TRIP11: variants seen among roughly 807,000 people sequenced by gnomAD.
The protein encoded by TRIP11 is thyroid hormone receptor interactor 11, also known as thyroid receptor-interacting protein 11.
Under a neutral mutation model 223.1 loss-of-function variants are expected in TRIP11, and 148 were observed. The ratio of observed to expected loss-of-function variants is 0.66; its 90% confidence interval spans 0.58 to 0.76. TRIP11 has a LOEUF of 0.76. TRIP11 is among the 30% of genes least tolerant of loss of function. The pLI is 0.00. For synonymous variants in TRIP11, 762 were observed against 772.6 expected (o/e 0.99, Z 0.23); for missense variants, 2,043 against 2,222.0 (o/e 0.92, Z 1.62).
At chr14:91,975,014 G>A (rs369460188) in intron 18 of TRIP11, among the ~76,000 whole-genome samples, 158 bp downstream of exon 18, 12 of 152,268 alleles carry the variant, frequency 7.9e-5, no homozygotes, top group Admixed American at 5.2e-4. Context: ...CATACATATT[G>A]AACAAATCTG....
In TRIP11 at chr14:92,039,727, G is replaced by A. The variant is rs376993504; in HGVS notation, c.-42C>T. 62 of 1,595,030 alleles carry A rather than the reference G, an allele frequency of 3.9e-5. No homozygotes were observed. The South Asian group carries it at 4.3e-4, about 11-fold the overall frequency. ...AACGACCCGGTCCGCTCGGAAAAAAGAAAACGTTTAGCGCCGCCGGGCGAT... is the reference window on the plus strand; with the variant it reads ...AACGACCCGGTCCGCTCGGAAAAAAAAAAACGTTTAGCGCCGCCGGGCGAT... On this transcript the variant is annotated 5_prime_UTR_variant, in exon 1 of 21. Coordinates refer to ENST00000267622, the MANE Select transcript of TRIP11 (RefSeq NM_004239.4).
At chr14:91,973,602 A>T (rs1595364461) in intron 19 of TRIP11, among the ~76,000 whole-genome samples, 1 of 152,352 alleles carries the variant, frequency 6.6e-6, no homozygotes, top group African/African-American at 2.4e-5. Flanking sequence ...ATCACAAATA[A>T]CATTGTCAGA....
At chr14:91,992,568 G>A (rs1216093244) in intron 15 of TRIP11, among the ~76,000 whole-genome samples, 1 of 152,056 alleles carries the variant, frequency 6.6e-6, no homozygotes, top group East Asian at 1.9e-4. Context: ...ACTAATGTCA[G>A]GTAAATGAAT....
At chr14:91,995,297 A>C in intron 14 of TRIP11, 55 bp downstream of exon 14, 1 of 1,608,412 alleles carries the variant, frequency 6.2e-7, no homozygotes, top group Non-Finnish European at 8.5e-7. Context: ...CAAATTAGGC[A>C]AAATTACCAA....
rs763388904 is a variant in TRIP11 at position 92,025,304 on chromosome 14, A to G, written c.312+6T>C. 2.5e-6 allele frequency: 4 copies of G among 1,604,168 alleles called. No individual in the cohort carries two copies. The South Asian group carries it at 3.3e-5, about 13-fold the overall frequency. ...GTACATATGAAGTAACTGTGATAAC[A>G]TTTACCTCTTTTTGTTGAAGTTGAT... On this transcript the variant is annotated splice_donor_region_variant and intron_variant, in intron 3 of 20. Transcript: ENST00000267622.
intron 6 of TRIP11, among the ~76,000 whole-genome samples, chr14:92,015,054 C>T (rs2057018894): frequency 6.6e-6 from 1 of 152,088 alleles, no homozygotes; most frequent in Non-Finnish European, 1.5e-5. Context: ...CAGGCGAGCA[C>T]CACCACGTCC....
Position 92,007,791 on chromosome 14 carries a change from G to C in TRIP11, c.1376C>G (p.Ala459Gly), listed in dbSNP as rs1595391068. The C allele has an allele frequency of 6.2e-7, 1 of 1,613,406 alleles. No homozygotes were observed. The highest frequency in any genetic ancestry group is 2.2e-5 in the East Asian group (1 of 44,794). The change falls in exon 10 of 21, where the codon GCT becomes GGT. Residue 459 changes from alanine (A) to glycine (G), a missense_variant. By Grantham distance (60) the Ala-to-Gly change is moderately conservative. Transcript: ENST00000267622. The part of the protein sequence containing the change: ...NNEYEVIKST[A>G]TRDISLDSEL... ...TGAATCCAAACTTATGTCTCTTGTAGCTGTACTTTTAATTACTTCATATTC... is the reference window on the plus strand; with the variant it reads ...TGAATCCAAACTTATGTCTCTTGTACCTGTACTTTTAATTACTTCATATTC...
intron 3 of TRIP11, among the ~76,000 whole-genome samples, chr14:92,023,615 G>A (rs924297071): frequency 1.3e-5 from 2 of 152,132 alleles, no homozygotes; most frequent in African/African-American, 2.4e-5. Flanking sequence ...CACTAAGTTA[G>A]AATCTCCTAG....
In TRIP11 at chr14:92,005,367, T is replaced by A. The variant is rs375135703; in HGVS notation, c.2609A>T (p.Glu870Val). 5.1e-5 allele frequency: 82 copies of A among 1,613,518 alleles called. No homozygotes were observed. The highest frequency in any genetic ancestry group is 6.4e-5 in the Non-Finnish European group (75 of 1,179,858). Residue 870 changes from glutamate (E) to valine (V), a missense_variant, in exon 11 of 21, where the codon GAA (glutamate) becomes GTA (valine). Glu to Val is a moderately radical substitution (Grantham distance 121). Transcript: ENST00000267622. ...TCGACTCTGCTCTTCCCTGAGTCGTTCCAATTCTTCTTGCAGATGATTATT... is the reference window on the plus strand; with the variant it reads ...TCGACTCTGCTCTTCCCTGAGTCGTACCAATTCTTCTTGCAGATGATTATT... ...EENNHLQEEL[E>V]RLREEQSRTA...
At chr14:91,973,047 A>T (rs2056419478) in intron 19 of TRIP11, among the ~76,000 whole-genome samples, 186 bp from the exon 20 acceptor site, 1 of 137,664 alleles carries the variant, frequency 7.3e-6, no homozygotes, top group Non-Finnish European at 1.5e-5. Flanking sequence ...TTTTTTTGAG[A>T]CGGTGTCTTG....
chr14:91,970,321 G>A (rs1043574846), intron 20 of TRIP11, among the ~76,000 whole-genome samples: 3 of 152,074 alleles, frequency 2.0e-5, no homozygotes, highest in Non-Finnish European at 4.4e-5. Context: ...GCTGAGGCTG[G>A]AGAATCACTT....
rs201417947 is a variant in TRIP11 at position 92,005,220 on chromosome 14, A to G, written c.2756T>C (p.Ile919Thr). The change falls in exon 11 of 21, where the codon ATT becomes ACT. Residue 919 changes from isoleucine (I) to threonine (T), a missense_variant. Ile to Thr is a moderately conservative substitution (Grantham distance 89, BLOSUM62 -1). Transcript: ENST00000267622. ...CATCTTACTCTGGTTTTGATCTTCA[A>G]TTATCTTTTGATGATGTTTAATTTC... is the stretch of plus-strand genomic sequence containing the variant. ...EEEIKHHQKIIEDQNQSKMQL... is the reference protein window; with the variant it reads ...EEEIKHHQKITEDQNQSKMQL... The G allele has an allele frequency of 8.9e-5, 144 of 1,614,154 alleles. No individual in the cohort carries two copies. The Middle Eastern group carries it at 1.2e-3, about 13-fold the overall frequency.
rs1353368517 is a variant in TRIP11, at chr14:92,004,009, T to C, written c.3967A>G (p.Thr1323Ala). The change falls in exon 11 of 21, where the codon ACT becomes GCT. Residue 1323 changes from threonine to alanine, a missense_variant. Coordinates refer to ENST00000267622, the MANE Select transcript of TRIP11 (RefSeq NM_004239.4). ...CTAAGACACTCTGCAGACTGGGGAG[T>C]AAGCAATGATGCAGAAGACAGCTGG... The part of the protein sequence containing the change: ...SPQLSSASLL[T>A]PQSAECLRAS... 1 of 1,613,888 alleles carries C rather than the reference T, an allele frequency of 6.2e-7. No homozygotes were observed. Among genetic ancestry groups the C allele is most frequent in the Non-Finnish European group, 8.5e-7 (1 of 1,180,004 alleles).
At chr14:92,031,146 A>G (rs1164688786) in intron 2 of TRIP11, among the ~76,000 whole-genome samples, 1 of 151,942 alleles carries the variant, frequency 6.6e-6, no homozygotes, top group African/African-American at 2.4e-5. Flanking sequence ...TATTTATTGG[A>G]GATGGAGTCT....
At chr14:92,031,093 T>TTTTA (rs891590397) in intron 2 of TRIP11, among the ~76,000 whole-genome samples, 1 of 151,496 alleles carries the variant, frequency 6.6e-6, no homozygotes, top group African/African-American at 2.4e-5. Flanking sequence ...CTACAAAAAA[T>TTTTA]TTTATTTATT....
rs1595361047 is a variant in TRIP11, at chr14:91,967,219, A to G, written c.*2454T>C. ...TGCAGTGGAGTGGTTGCTAACTGCA[A>G]CCTCCACTTCCCGGGGTCAAGCAAT... On this transcript the variant is annotated 3_prime_UTR_variant, in exon 21 of 21. Coordinates refer to ENST00000267622, the MANE Select transcript of TRIP11 (RefSeq NM_004239.4). The G allele has an allele frequency of 6.1e-6, 1 of 164,366 alleles. No individual in the cohort carries two copies. The highest frequency in any genetic ancestry group is 1.0e-4 in the East Asian group (1 of 9,762). The allele number at this position is 164,366 out of a possible 1,614,324, so 10.2% of individuals were successfully genotyped here.
intron 10 of TRIP11, 91 bp downstream of exon 10, chr14:92,007,549 A>G: frequency 7.1e-7 from 1 of 1,407,882 alleles, no homozygotes; most frequent in Non-Finnish European, 9.9e-7. Flanking sequence ...AATCTCTATG[A>G]ACTAAAATAT....
rs1202415367 is a variant in TRIP11, at chr14:92,014,136, G to A, written c.1186+79C>T. ...ATATGCCATTTCCACTAAGTATTCA[G>A]TTAGTGAAGCATCTGTCTCTAAAAA... is the stretch of plus-strand genomic sequence containing the variant. On this transcript the variant is annotated intron_variant, in intron 7 of 20. Coordinates refer to ENST00000267622, the MANE Select transcript of TRIP11 (RefSeq NM_004239.4). 2.3e-5 allele frequency: 35 copies of A among 1,552,738 alleles called. No individual in the cohort carries two copies. In the South Asian group the frequency reaches 4.0e-4, roughly 18 times the overall value.
chr14:91,993,132 C>T (rs1172675008), intron 15 of TRIP11, among the ~76,000 whole-genome samples: 1 of 150,232 alleles, frequency 6.7e-6, no homozygotes, highest in Non-Finnish European at 1.5e-5. Flanking sequence ...TTGTTTTAAT[C>T]CATGTGAAAT....
Sources: gnomAD v4.1 joint callset for allele counts (sites outside exome capture counted in the v4.1 genomes callset) on GRCh38, gnomAD v4.1.1 for gene constraint, MANE v1.5 for transcripts, NCBI Gene and HGNC (gene_info 2026-07-23, HGNC 2026-07-21) for gene names.